RRAS2: variants seen among roughly 807,000 people sequenced by gnomAD.
RRAS2 encodes the protein ras-related protein R-Ras2.
RRAS2 carries 7 observed loss-of-function variants against 27.6 expected under a neutral mutation model. The ratio of observed to expected loss-of-function variants is 0.25; its 90% CI spans 0.14 to 0.48. The LOEUF is 0.48. RRAS2 is among the 20% of genes least tolerant of loss of function. RRAS2 has a pLI of 0.99. For missense variants in RRAS2, 178 were observed against 256.2 expected (o/e 0.69, Z 2.08); for synonymous variants, 86 against 90.9 (o/e 0.95, Z 0.31).
chr11:14,316,966 AG>A (rs1463731595), intron 1 of RRAS2, among the ~76,000 whole-genome samples: 1 of 152,230 alleles, frequency 6.6e-6, no homozygotes. Flanking sequence ...TTTTGTTGAC[AG>A]GAGGATGACA....
chr11:14,345,093 T>A (rs1350671239), intron 1 of RRAS2, among the ~76,000 whole-genome samples: 1 of 150,286 alleles, frequency 6.7e-6, no homozygotes, highest in Non-Finnish European at 1.5e-5. Flanking sequence ...TTCAAGAGAT[T>A]CTTCTGCCTT....
intron 1 of RRAS2, among the ~76,000 whole-genome samples, chr11:14,353,230 C>T (rs1849002076): frequency 6.6e-6 from 1 of 152,034 alleles, no homozygotes. Flanking sequence ...CATGATATTT[C>T]AGCAATCAGA....
rs117359743 is a variant in RRAS2 at position 14,287,965 on chromosome 11, C to T, written c.409-6245G>A. On this transcript the variant is annotated intron_variant, in intron 4 of 5. Coordinates refer to ENST00000256196, the MANE Select transcript of RRAS2 (RefSeq NM_012250.6). ...ACAATCCTGCTGCTAGGGTTATGTG[C>T]TTCACTTGTTTTTGTTTTGTTTAGT... is the stretch of plus-strand genomic sequence containing the variant. Among the ~76,000 whole-genome samples, 999 of 151,304 alleles carry T rather than the reference C, an allele frequency of 6.6e-3. 6 individuals carry two copies. Among genetic ancestry groups the T allele is most frequent in the Non-Finnish European group, 0.011 (732 of 67,818 alleles).
chr11:14,337,090 C>G (rs1468948691), intron 1 of RRAS2: 1 of 152,180 alleles, frequency 6.6e-6, no homozygotes, highest in Non-Finnish European at 1.5e-5. Context: ...TCAAAGAAAA[C>G]TACAGTACCT....
intron 4 of RRAS2, among the ~76,000 whole-genome samples, chr11:14,282,004 T>C (rs528834840): frequency 1.3e-5 from 2 of 151,966 alleles, no homozygotes; most frequent in African/African-American, 4.8e-5. Context: ...GAAGGGAAAG[T>C]GTAAGGTGCT....
chr11:14,289,648 C>G (rs966788331), intron 4 of RRAS2, among the ~76,000 whole-genome samples: 1 of 152,164 alleles, frequency 6.6e-6, no homozygotes, highest in Admixed American at 6.5e-5. Flanking sequence ...ACCTCAGTGA[C>G]TATTCTGTCT....
chr11:14,360,160 G>A (rs191642450), upstream of RRAS2, among the ~76,000 whole-genome samples: 29 of 150,328 alleles, frequency 1.9e-4, no homozygotes, highest in East Asian at 3.5e-3. Flanking sequence ...CATGCCAGTC[G>A]AAGTCTGATT....
At chr11:14,362,982 A>G (rs1849208988), upstream of RRAS2, among the ~76,000 whole-genome samples, 1 of 152,228 alleles carries the variant, frequency 6.6e-6, no homozygotes, top group African/African-American at 2.4e-5. Context: ...GCCAGCGCAT[A>G]TGTTTTGGCC....
intron 1 of RRAS2, among the ~76,000 whole-genome samples, chr11:14,351,026 G>A (rs1848939678): frequency 6.6e-6 from 1 of 152,078 alleles, no homozygotes; most frequent in Non-Finnish European, 1.5e-5. Context: ...GCATCTTCTG[G>A]GTAAATTCTG....
intron 1 of RRAS2, among the ~76,000 whole-genome samples, chr11:14,305,217 G>C (rs1847805152): frequency 6.6e-6 from 1 of 152,136 alleles, no homozygotes; most frequent in Non-Finnish European, 1.5e-5. Flanking sequence ...AATGGGCCTG[G>C]TATGTGCCAG....
intron 1 of RRAS2, among the ~76,000 whole-genome samples, chr11:14,299,899 T>A (rs1035480579): frequency 6.6e-6 from 1 of 152,216 alleles, no homozygotes; most frequent in African/African-American, 2.4e-5. Flanking sequence ...ACTACAGTTA[T>A]GTACAGAACT....
chr11:14,294,740 C>T lies in RRAS2; in HGVS notation c.299+20G>A. The T allele has an allele frequency of 6.2e-7, 1 of 1,601,614 alleles. No homozygotes were observed. Among genetic ancestry groups the T allele is most frequent in the Non-Finnish European group, 8.5e-7 (1 of 1,170,754 alleles). ...GATCTTGACAAGAACAGTGGATCTA[C>T]ATTCTAATATGGTACAAACCTGCCT... is the stretch of plus-strand genomic sequence containing the variant. On this transcript the variant is annotated intron_variant, in intron 3 of 5. Transcript: ENST00000256196.
chr11:14,352,756 TAGAGAGAGAGAGAGAGAGAGAGAGGG>T (rs1175304091), intron 1 of RRAS2, among the ~76,000 whole-genome samples: 1 of 128,678 alleles, frequency 7.8e-6, no homozygotes, highest in Non-Finnish European at 1.7e-5. Flanking sequence ...TATATATATA[TAGAGAGAGAGAGAGAGAGAGAGAGGG>T]AGAGAGAGAG....
chr11:14,347,696 G>T (rs546792939), intron 1 of RRAS2, among the ~76,000 whole-genome samples: 2 of 152,146 alleles, frequency 1.3e-5, no homozygotes, highest in East Asian at 3.9e-4. Context: ...CACACCTGTA[G>T]TGCCCGCGCT....
intron 1 of RRAS2, among the ~76,000 whole-genome samples, chr11:14,324,371 G>C (rs1313010349): frequency 7.0e-6 from 1 of 143,814 alleles, no homozygotes; most frequent in Admixed American, 7.1e-5. Flanking sequence ...ACTAACTCTA[G>C]TAAAAATATA....
At chr11:14,362,972 G>C (rs782153868), upstream of RRAS2, among the ~76,000 whole-genome samples, 5 of 152,238 alleles carry the variant, frequency 3.3e-5, no homozygotes, top group Non-Finnish European at 7.3e-5. Context: ...GCCAGATCTA[G>C]CCAGCGCATA....
At chr11:14,343,545 C>G (rs1284298736) in intron 1 of RRAS2, among the ~76,000 whole-genome samples, 2 of 152,196 alleles carry the variant, frequency 1.3e-5, no homozygotes, top group Non-Finnish European at 2.9e-5. Context: ...CCCTGTAGGC[C>G]AGGCGTGGTG....
At position 14,295,847 on chromosome 11, in the gene RRAS2, A is replaced by G. The variant is rs782381350; in HGVS notation, c.117T>C (p.Phe39=). Residue 39 remains phenylalanine, a synonymous_variant, in exon 2 of 6, where the codon TTT becomes TTC. Coordinates refer to ENST00000256196, the MANE Select transcript of RRAS2 (RefSeq NM_012250.6). ...ALTIQFIQSY[F]VTDYDPTIED... is the part of the protein sequence containing the mutation. Reference sequence around the variant, plus strand: ...CAATGGTTGGATCATAATCCGTTACAAAATAGGACTGCAAGAAAAGAAAAA... The same window carrying G: ...CAATGGTTGGATCATAATCCGTTACGAAATAGGACTGCAAGAAAAGAAAAA... 5 of 1,612,904 alleles carry G rather than the reference A, an allele frequency of 3.1e-6. No individual in the cohort carries two copies. In the Admixed American group the frequency reaches 8.3e-5, roughly 27 times the overall value.
intron 1 of RRAS2, among the ~76,000 whole-genome samples, chr11:14,299,520 C>T (rs1847643018): frequency 6.6e-6 from 1 of 152,198 alleles, no homozygotes; most frequent in Non-Finnish European, 1.5e-5. Context: ...ACATGCTATG[C>T]AAAGCCCTCC....
Sources: gnomAD v4.1 joint callset for allele counts (sites outside exome capture counted in the v4.1 genomes callset) on GRCh38, gnomAD v4.1.1 for gene constraint, MANE v1.5 for transcripts, NCBI Gene and HGNC (gene_info 2026-07-23, HGNC 2026-07-21) for gene names.